The following TRIM13 variants were observed in gnomAD, a reference collection of about 807,000 sequenced individuals.
TRIM13 encodes tripartite motif containing 13.
TRIM13 carries 15 observed loss-of-function variants against 27.1 expected under a neutral mutation model. The observed-to-expected ratio is 0.55, with a 90% CI of 0.37 to 0.85. The LOEUF is 0.85. Ranked by LOEUF, TRIM13 falls within the 40% of genes least tolerant of loss-of-function variation. TRIM13 has a pLI of 0.00. For synonymous variants in TRIM13, 193 were observed against 171.5 expected (o/e 1.13, Z -0.98); for missense variants, 402 against 472.2 (o/e 0.85, Z 1.38).
At position 50,014,360 on chromosome 13, in the gene TRIM13, T is replaced by TATATATATATATATATATATAC. The variant is rs879170111; in HGVS notation, c.*1197_*1198insTATATATATATATATATATACA. On this transcript the variant is annotated 3_prime_UTR_variant, in exon 2 of 2. Transcript: ENST00000378182. ...AAAAAAAAAAATATATATATATATA[T>TATATATATATATATATATATAC]ACACACACACACACACATATGTACA... The TATATATATATATATATATATAC allele has an allele frequency of 8.5e-5, 5 of 58,540 alleles. No homozygotes were observed. The highest frequency in any genetic ancestry group is 3.3e-4 in the Admixed American group (1 of 3,050). The allele number at this position is 58,540 out of a possible 1,614,324, so 3.6% of individuals were successfully genotyped here.
chr13:50,003,051 C>T (rs2066544), intron 1 of TRIM13, among the ~76,000 whole-genome samples: 56,245 of 151,994 alleles, frequency 0.37, 11,922 homozygotes, highest in Non-Finnish European at 0.49. Context: ...GAATATAGTA[C>T]ACTATTTGAA....
At chr13:49,999,889 T>C (rs1372266563) in intron 1 of TRIM13, among the ~76,000 whole-genome samples, 1 of 152,184 alleles carries the variant, frequency 6.6e-6, no homozygotes, top group Non-Finnish European at 1.5e-5. Flanking sequence ...TAGATATTGC[T>C]AAGGTCTAAG....
chr13:50,007,196 C>A (rs1481684486), intron 1 of TRIM13, among the ~76,000 whole-genome samples: 6 of 135,398 alleles, frequency 4.4e-5, no homozygotes, highest in East Asian at 2.3e-4. Context: ...AAAAAAAAAA[C>A]CCAAAAAAAT....
chr13:50,003,793 T>C (rs1874336393), intron 1 of TRIM13, among the ~76,000 whole-genome samples: 4 of 152,312 alleles, frequency 2.6e-5, no homozygotes, highest in South Asian at 4.1e-4. Context: ...TATGCAACTT[T>C]GTTAAAAATA....
chr13:50,009,061 T>C (rs551337346), intron 1 of TRIM13, among the ~76,000 whole-genome samples: 2 of 151,054 alleles, frequency 1.3e-5, no homozygotes, highest in East Asian at 1.9e-4. Context: ...CCAAGAACTT[T>C]ATGTTTGTAC....
chr13:50,011,822 C>A, intron 1 of TRIM13, 113 bp from the exon 2 acceptor site: 1 of 1,286,016 alleles, frequency 7.8e-7, no homozygotes, highest in Non-Finnish European at 1.1e-6. Flanking sequence ...CTTTGTTTGG[C>A]TGGTTATTTC....
At position 50,017,116 on chromosome 13, in the gene TRIM13, T is replaced by C. The variant is rs1876700447; in HGVS notation, c.*3952T>C. ...AAGAGAGCCAGTCAAGCTAGTAGGC[T>C]GATTGTGAAGAAAATCTAATACCTT... On this transcript the variant is annotated 3_prime_UTR_variant, in exon 2 of 2. Transcript: ENST00000378182. 1 of 167,080 alleles carries C rather than the reference T, an allele frequency of 6.0e-6. No individual in the cohort carries two copies. Among genetic ancestry groups the C allele is most frequent in the Non-Finnish European group, 1.5e-5 (1 of 68,108 alleles). 10.3% of individuals were successfully genotyped at this position (167,080 alleles called of 1,614,324 possible). A position where few individuals can be genotyped will look rare whatever the true frequency, so the allele number is the denominator to read the frequency against.
chr13:50,011,820 G>A, intron 1 of TRIM13, 115 bp from the exon 2 acceptor site: 2 of 1,263,286 alleles, frequency 1.6e-6, no homozygotes, highest in Non-Finnish European at 2.2e-6. Flanking sequence ...TACTTTGTTT[G>A]GCTGGTTATT....
intron 1 of TRIM13, among the ~76,000 whole-genome samples, chr13:50,008,466 A>G (rs1875099179): frequency 6.7e-6 from 1 of 148,922 alleles, no homozygotes. Flanking sequence ...AGCTAGTAAG[A>G]CCTGGTCTCT....
intron 1 of TRIM13, among the ~76,000 whole-genome samples, chr13:50,006,675 A>G (rs1874750790): frequency 6.6e-6 from 1 of 152,162 alleles, no homozygotes; most frequent in African/African-American, 2.4e-5. Context: ...AATCTCTTTC[A>G]GAAGACAAAC....
chr13:50,008,775 G>T (rs1473893869), intron 1 of TRIM13, among the ~76,000 whole-genome samples: 3 of 151,816 alleles, frequency 2.0e-5, no homozygotes, highest in African/African-American at 7.3e-5. Context: ...CAGTGTTTTG[G>T]CAGTCTGAGG....
At position 50,016,042 on chromosome 13, in the gene TRIM13, C is replaced by A. The variant is rs1185164101; in HGVS notation, c.*2878C>A. Reference sequence around the variant, plus strand: ...ACCTGGTTTTCCAGTGTGGTTCTGACAGCACTACTGATAACCAAACTGGAG... The same window carrying A: ...ACCTGGTTTTCCAGTGTGGTTCTGAAAGCACTACTGATAACCAAACTGGAG... On this transcript the variant is annotated 3_prime_UTR_variant, in exon 2 of 2. Coordinates refer to ENST00000378182, the MANE Select transcript of TRIM13 (RefSeq NM_213590.3). 1 of 1,613,874 alleles carries A rather than the reference C, an allele frequency of 6.2e-7. No individual in the cohort carries two copies. The highest frequency in any genetic ancestry group is 8.5e-7 in the Non-Finnish European group (1 of 1,179,900).
At chr13:50,000,474 A>T (rs1284410163) in intron 1 of TRIM13, among the ~76,000 whole-genome samples, 2 of 152,216 alleles carry the variant, frequency 1.3e-5, no homozygotes. Context: ...CAACCCACAA[A>T]CAAAACAACA....
chr13:50,001,930 C>T (rs985989678), intron 1 of TRIM13, among the ~76,000 whole-genome samples: 2 of 152,068 alleles, frequency 1.3e-5, no homozygotes, highest in African/African-American at 2.4e-5. Flanking sequence ...TTTGTAAATA[C>T]TTTTCATATA....
At chr13:50,011,863 T>C (rs936886499) in intron 1 of TRIM13, 72 bp from the exon 2 acceptor site, 3 of 1,463,182 alleles carry the variant, frequency 2.1e-6, no homozygotes, top group Non-Finnish European at 2.7e-6. Flanking sequence ...TGAAGGCAGA[T>C]TTCTTCTAAT....
At position 50,012,198 on chromosome 13, in the gene TRIM13, G is replaced by A. The variant is rs1382461829; in HGVS notation, c.258G>A (p.Lys86=). ...TTGTGGAAAAGTATAACAAGATCAA[G>A]ATCTCTCCCAAAATGCCAGTATGCA... ...KGIVEKYNKI[K]ISPKMPVCKG... is the part of the protein sequence containing the mutation. Residue 86 remains lysine, a synonymous_variant, in exon 2 of 2, where the codon AAG becomes AAA. Transcript: ENST00000378182. The A allele has an allele frequency of 4.3e-6, 7 of 1,614,154 alleles. No individual in the cohort carries two copies. The highest frequency in any genetic ancestry group is 5.1e-6 in the Non-Finnish European group (6 of 1,180,014).
At chr13:50,001,323 C>T (rs2138344675) in intron 1 of TRIM13, among the ~76,000 whole-genome samples, 1 of 148,514 alleles carries the variant, frequency 6.7e-6, no homozygotes, top group South Asian at 2.1e-4. Context: ...AGGAAAGAGT[C>T]CAGGCTAAAC....
At chr13:50,005,674 C>CT (rs1285046956) in intron 1 of TRIM13, among the ~76,000 whole-genome samples, 6 of 145,638 alleles carry the variant, frequency 4.1e-5, no homozygotes, top group South Asian at 2.1e-4. Flanking sequence ...GACTCCATCT[C>CT]TAAAAAAAAA....
chr13:50,006,577 A>C (rs1223893732), intron 1 of TRIM13, among the ~76,000 whole-genome samples: 1 of 152,144 alleles, frequency 6.6e-6, no homozygotes, highest in Admixed American at 6.6e-5. Context: ...AATGGAAGTG[A>C]AAAGTGTGGA....
Sources: allele counts gnomAD v4.1 joint callset (sites outside exome capture counted in the v4.1 genomes callset), GRCh38; gene constraint gnomAD v4.1.1; transcripts MANE v1.5; gene names NCBI Gene and HGNC (gene_info 2026-07-23, HGNC 2026-07-21).